Variants in MSH6 observed in about 807,000 individuals in gnomAD.
MSH6 encodes DNA mismatch repair protein Msh6.
Under a neutral mutation model 119.1 loss-of-function variants are expected in MSH6, and 85 were observed. The ratio of observed to expected loss-of-function variants is 0.71; its 90% CI spans 0.60 to 0.85. The LOEUF is 0.85. MSH6 is among the 40% of genes least tolerant of loss of function. MSH6 has a pLI of 0.00. For missense variants in MSH6, 2,163 were observed against 1,655.3 expected, an observed-to-expected ratio of 1.31 and a Z score of -5.32; for synonymous variants, 830 against 586.9, an observed-to-expected ratio of 1.41 and a Z score of -5.99.
rs1668377468 is a variant in MSH6 at position 47,786,780 on chromosome 2, G to A, written c.260+3287G>A. Among the ~76,000 whole-genome samples, 4 of 151,728 alleles carry A rather than the reference G, an allele frequency of 2.6e-5. 1 individual carries two copies. In the South Asian group the frequency reaches 8.3e-4, roughly 32 times the overall value. ...ATATAAATGTCTTCTTTCACAATGAGTTCTTTCATTTAGTTTATGGCTTTG... is the reference window on the plus strand; with the variant it reads ...ATATAAATGTCTTCTTTCACAATGAATTCTTTCATTTAGTTTATGGCTTTG... On this transcript the variant is annotated intron_variant, in intron 1 of 9. Transcript: ENST00000234420.
chr2:47,793,314 G>GTC lies in MSH6; in HGVS notation c.457+2194_457+2195dup, dbSNP rs745815126. ...CCAACCTGGGTGACAGAGCGAGACT[G>GTC]TCTCAAAAAAAAAAAAAAAAAAAAA... On this transcript the variant is annotated intron_variant, in intron 2 of 9. Coordinates refer to ENST00000234420, the MANE Select transcript of MSH6 (RefSeq NM_000179.3). 2.3e-4 allele frequency among the ~76,000 whole-genome samples: 14 copies of GTC among 61,920 alleles called. 1 individual carries two copies. The highest frequency in any genetic ancestry group is 6.2e-4 in the African/African-American group (10 of 16,110). The allele number at this position is 61,920 out of a possible 152,430, so 40.6% of individuals were successfully genotyped here.
intron 1 of MSH6, chr2:47,789,285 A>C (rs913604123): frequency 1.4e-4 from 51 of 369,502 alleles, no homozygotes; most frequent in Non-Finnish European, 2.6e-4. Context: ...GTAATGGTAT[A>C]TAAAGGATAA....
At chr2:47,795,814 G>C (rs2104223920) in intron 2 of MSH6, 80 bp from the exon 3 acceptor site, 1 of 1,247,028 alleles carries the variant, frequency 8.0e-7, no homozygotes, top group Admixed American at 1.8e-5. Context: ...ATGTTGCCCA[G>C]GCTGGTCTTG....
At chr2:47,803,197 C>T (rs1412170022) in intron 4 of MSH6, among the ~76,000 whole-genome samples, 6 of 152,176 alleles carry the variant, frequency 3.9e-5, no homozygotes, top group Admixed American at 6.5e-5. Context: ...GGATTACAGG[C>T]GTGAGCCACC....
intron 1 of MSH6, 120 bp from the exon 2 acceptor site, chr2:47,790,807 T>C: frequency 1.1e-6 from 1 of 892,510 alleles, no homozygotes. Context: ...AAAATTATTC[T>C]AGAATTTCTG....
intron 2 of MSH6, 105 bp downstream of exon 2, chr2:47,791,228 AT>A: frequency 9.0e-7 from 1 of 1,105,966 alleles, no homozygotes; most frequent in Non-Finnish European, 1.3e-6. Context: ...AATTAAGTGT[AT>A]TTTACCCCAG....
chr2:47,789,419 C>G (rs1482098611), intron 1 of MSH6: 1 of 463,842 alleles, frequency 2.2e-6, no homozygotes. Flanking sequence ...CTTTTTTTTC[C>G]TAGTGAGGAT....
At chr2:47,784,830 A>T (rs1028456228) in intron 1 of MSH6, 3 of 151,538 alleles carry the variant, frequency 2.0e-5, no homozygotes, top group African/African-American at 7.3e-5. Flanking sequence ...TGCCAGATAC[A>T]TATATATGTA....
chr2:47,798,648 A>G lies in MSH6; in HGVS notation c.665A>G (p.Asp222Gly), dbSNP rs750827951. The change falls in exon 4 of 10, where the codon GAT (aspartate) becomes GGT (glycine). Residue 222 changes from aspartate to glycine, a missense_variant. Asp to Gly is a moderately conservative substitution (Grantham distance 94). Transcript: ENST00000234420. ...TACGTAACAGATAAGAGTGAAGAAGATAATGAAATTGAGAGTGAAGAGGAA... is the reference window on the plus strand; with the variant it reads ...TACGTAACAGATAAGAGTGAAGAAGGTAATGAAATTGAGAGTGAAGAGGAA... ...TTYVTDKSEE[D>G]NEIESEEEVQ... 1.2e-6 allele frequency: 2 copies of G among 1,612,980 alleles called. No homozygotes were observed. Among genetic ancestry groups the G allele is most frequent in the Non-Finnish European group, 8.5e-7 (1 of 1,179,992 alleles).
At chr2:47,788,986 C>A (rs34909856) in intron 1 of MSH6, among the ~76,000 whole-genome samples, 1 of 118,312 alleles carries the variant, frequency 8.5e-6, no homozygotes, top group Non-Finnish European at 1.6e-5. Context: ...AATGCAGTGG[C>A]GTTTTCTTGG....
intron 1 of MSH6, 58 bp downstream of exon 1, chr2:47,783,551 C>T (rs1195760624): frequency 1.5e-6 from 2 of 1,349,766 alleles, no homozygotes; most frequent in Non-Finnish European, 1.9e-6. Flanking sequence ...GCTTGGAACC[C>T]GGCGAGGGGA....
rs746839832 is a variant in MSH6, at chr2:47,800,886, T to G, written c.2903T>G (p.Val968Gly). The G allele has an allele frequency of 6.2e-7, 1 of 1,607,768 alleles. No homozygotes were observed. The highest frequency in any genetic ancestry group is 8.5e-7 in the Non-Finnish European group (1 of 1,177,552). The change falls in exon 4 of 10, where the codon GTC becomes GGC. Residue 968 changes from valine (V) to glycine (G), a missense_variant. Transcript: ENST00000234420. ...AACAGAATTGGCTGTAGGACCATAG[T>G]CTATTGGGGGATTGGTAGGAACCGT... ...QRNRIGCRTI[V>G]YWGIGRNRYQ...
In MSH6 at chr2:47,805,005, T is replaced by A. The variant is rs876658537; in HGVS notation, c.3534T>A (p.Gly1178=). Residue 1178 remains glycine, a synonymous_variant, in exon 6 of 10, where the codon GGT becomes GGA. Coordinates refer to ENST00000234420, the MANE Select transcript of MSH6 (RefSeq NM_000179.3). ...TPIDRVFTRL[G]ASDRIMSGES... ...TTGATAGAGTGTTTACTAGACTTGG[T>A]GCCTCAGACAGAATAATGTCAGGTG... 2 of 1,613,644 alleles carry A rather than the reference T, an allele frequency of 1.2e-6. No individual in the cohort carries two copies. The highest frequency in any genetic ancestry group is 1.7e-6 in the Non-Finnish European group (2 of 1,179,552).
chr2:47,796,734 T>G (rs2159886), intron 3 of MSH6, among the ~76,000 whole-genome samples: 35,430 of 152,074 alleles, frequency 0.23, 4,614 homozygotes, highest in Non-Finnish European at 0.3. Flanking sequence ...GCTGAGGCAG[T>G]TGGATGTCCT....
rs1553413954 is a variant in MSH6, at chr2:47,800,583, TAA to T, written c.2601_2602del (p.Met868ValfsTer2). Reference sequence around the variant, plus strand: ...CTTTCTGCTCTGGAAGGATTCAAAGTAATGTGTAAAATTATAGGGATCATGGA... The same window carrying T: ...CTTTCTGCTCTGGAAGGATTCAAAGTTGTGTAAAATTATAGGGATCATGGA... On this transcript the variant is annotated frameshift_variant, in exon 4 of 10. Transcript: ENST00000234420. LOFTEE classifies it high-confidence loss of function. 6.2e-7 allele frequency: 1 copy of T among 1,613,986 alleles called. No homozygotes were observed. Among genetic ancestry groups the T allele is most frequent in the Non-Finnish European group, 8.5e-7 (1 of 1,180,002 alleles).
At chr2:47,806,031 T>TAA (rs905941739) in intron 7 of MSH6, among the ~76,000 whole-genome samples, 173 bp from the exon 8 acceptor site, 1 of 152,168 alleles carries the variant, frequency 6.6e-6, no homozygotes, top group African/African-American at 2.4e-5. Context: ...GAAACCTCAC[T>TAA]CCCCATGGGC....
intron 1 of MSH6, chr2:47,789,551 T>C (rs1332926941): frequency 5.3e-6 from 2 of 376,454 alleles, no homozygotes; most frequent in African/African-American, 2.2e-5. Flanking sequence ...TAAAACAATT[T>C]ATACTGTATT....
intron 2 of MSH6, among the ~76,000 whole-genome samples, chr2:47,793,547 C>T (rs951248142): frequency 7.4e-5 from 11 of 149,086 alleles, no homozygotes; most frequent in Non-Finnish European, 5.9e-5. Context: ...GCGGAGGTTG[C>T]AGTGAGCCGA....
chr2:47,792,598 C>T (rs1469040218), intron 2 of MSH6, among the ~76,000 whole-genome samples: 6 of 152,192 alleles, frequency 3.9e-5, no homozygotes, highest in African/African-American at 1.2e-4. Flanking sequence ...AAGCAGTCTG[C>T]CCACTTCGGC....
Sources: gnomAD v4.1 joint callset for allele counts (sites outside exome capture counted in the v4.1 genomes callset) on GRCh38, gnomAD v4.1.1 for gene constraint, MANE v1.5 for transcripts, NCBI Gene and HGNC (gene_info 2026-07-23, HGNC 2026-07-21) for gene names.